The following MAP4K5 variants were observed in gnomAD, a reference collection of about 807,000 sequenced individuals.
The protein encoded by MAP4K5 is MAPK/ERK kinase kinase kinase 5.
Under a neutral mutation model 135.6 loss-of-function variants are expected in MAP4K5, and 82 were observed. The ratio of observed to expected loss-of-function variants is 0.60; its 90% confidence interval spans 0.51 to 0.73. The LOEUF (loss-of-function observed/expected upper bound fraction) is 0.73. MAP4K5 is among the 30% of genes least tolerant of loss of function. The probability of loss-of-function intolerance (pLI) is 0.00; values close to 1 mark genes in which losing one functional copy is unlikely to be tolerated. For missense variants in MAP4K5, 907 were observed against 1,010.9 expected, an observed-to-expected ratio of 0.90 and a Z score of 1.39; for synonymous variants, 347 against 335.0, an observed-to-expected ratio of 1.04 and a Z score of -0.39.
chr14:50,420,997 T>C (rs1401286147), intron 32 of MAP4K5, among the ~76,000 whole-genome samples: 1 of 151,908 alleles, frequency 6.6e-6, no homozygotes. Flanking sequence ...AGAGGAGGAA[T>C]GGGAGAAAAA....
At chr14:50,500,224 C>A (rs934283542) in intron 3 of MAP4K5, among the ~76,000 whole-genome samples, 10 of 152,098 alleles carry the variant, frequency 6.6e-5, no homozygotes, top group Non-Finnish European at 1.2e-4. Flanking sequence ...AGGAGAGAGA[C>A]AAACACAATA....
chr14:50,484,488 T>A (rs11157748), intron 5 of MAP4K5, among the ~76,000 whole-genome samples: 2,610 of 152,326 alleles, frequency 0.017, 66 homozygotes, highest in African/African-American at 0.06. Context: ...TTCATTTTGC[T>A]ATACATTTAC....
At chr14:50,448,709 A>G (rs560411713) in intron 15 of MAP4K5, 65 bp downstream of exon 15, 69 of 915,086 alleles carry the variant, frequency 7.5e-5, no homozygotes, top group South Asian at 3.7e-4. Flanking sequence ...TCAAAGTACA[A>G]CTAACAAAAA....
At chr14:50,481,299 T>C (rs751548302) in intron 6 of MAP4K5, among the ~76,000 whole-genome samples, 9 of 149,754 alleles carry the variant, frequency 6.0e-5, no homozygotes, top group Non-Finnish European at 1.3e-4. Flanking sequence ...TCTCTATATA[T>C]ATATATAAAT....
In MAP4K5 at chr14:50,445,049, G is replaced by A. The variant is rs1464225346; in HGVS notation, c.1331C>T (p.Ser444Phe). 6.2e-7 allele frequency: 1 copy of A among 1,613,052 alleles called. No homozygotes were observed. The highest frequency in any genetic ancestry group is 1.7e-5 in the Admixed American group (1 of 59,930). Residue 444 changes from serine to phenylalanine, a missense_variant, in exon 18 of 33, where the codon TCT (serine) becomes TTT (phenylalanine). Physicochemically the swap from Ser to Phe is radical, Grantham distance 155. Around this residue, in one of 3 missense-constraint regions of MAP4K5, gnomAD observed 690 missense variants for 777.4 expected, o/e 0.89. Coordinates refer to ENST00000682126, the MANE Select transcript of MAP4K5 (RefSeq NM_006575.6). ...SPSCGPVAET[S>F]SIGNGDGISK... is the part of the protein sequence containing the mutation. ...AATAATGCTAGCCATACCAATAGAA[G>A]AAGTCTCTGCCACAGGCCCACAACT...
At chr14:50,553,347 T>A (rs2038726134) in intron 1 of MAP4K5, among the ~76,000 whole-genome samples, 1 of 150,554 alleles carries the variant, frequency 6.6e-6, no homozygotes, top group African/African-American at 2.4e-5. Flanking sequence ...CAACAAACAT[T>A]GAAAAAATGC....
At chr14:50,451,340 G>T (rs1347042835) in intron 14 of MAP4K5, among the ~76,000 whole-genome samples, 1 of 152,172 alleles carries the variant, frequency 6.6e-6, no homozygotes, top group Non-Finnish European at 1.5e-5. Flanking sequence ...ACAACATTCA[G>T]TGTTCTTACG....
chr14:50,491,833 A>G (rs1426870599), intron 3 of MAP4K5, among the ~76,000 whole-genome samples: 1 of 151,662 alleles, frequency 6.6e-6, no homozygotes, highest in Non-Finnish European at 1.5e-5. Context: ...TTACAGGCAC[A>G]TGTCATGACA....
At chr14:50,532,340 C>G (rs1440361048) in intron 1 of MAP4K5, 108 bp downstream of exon 1, 1 of 330,914 alleles carries the variant, frequency 3.0e-6, no homozygotes, top group Non-Finnish European at 5.5e-6. Context: ...CCTCCCCGGC[C>G]GCCCGCGAAC....
intron 1 of MAP4K5, among the ~76,000 whole-genome samples, chr14:50,549,561 G>A (rs1369133678): frequency 1.3e-5 from 2 of 152,116 alleles, no homozygotes; most frequent in Admixed American, 6.5e-5. Flanking sequence ...CAACAATTGG[G>A]GCCTTCCCAA....
rs112483198 is a variant in MAP4K5, at chr14:50,490,132, T to A, written c.167-3938A>T. Among the ~76,000 whole-genome samples the A allele has an allele frequency of 1.6e-3, 92 of 58,280 alleles. 1 individual carries two copies. Among genetic ancestry groups the A allele is most frequent in the Admixed American group, 8.5e-3 (39 of 4,584 alleles). 38.2% of individuals were successfully genotyped at this position (58,280 alleles called of 152,430 possible). ...GAGAGAGACAGAGAGCGAGTGAGAG[T>A]GTGTGTGTGTGTGTGTGTGTGTGTG... is the stretch of plus-strand genomic sequence containing the variant. On this transcript the variant is annotated intron_variant, in intron 3 of 32. Coordinates refer to ENST00000682126, the MANE Select transcript of MAP4K5 (RefSeq NM_006575.6).
chr14:50,431,373 G>A (rs1282744601), intron 28 of MAP4K5, among the ~76,000 whole-genome samples: 2 of 152,058 alleles, frequency 1.3e-5, no homozygotes, highest in East Asian at 3.9e-4. Context: ...TCTAGCATTA[G>A]GTATATCTCC....
Position 50,560,453 on chromosome 14 carries a change from AG to A in MAP4K5, c.-180+586del, listed in dbSNP as rs1262991177. The A allele has an allele frequency of 4.8e-6, 5 of 1,043,286 alleles. No individual in the cohort carries two copies. The East Asian group carries it at 1.3e-4, about 27-fold the overall frequency. The allele number at this position is 1,043,286 out of a possible 1,614,324, so 64.6% of individuals were successfully genotyped here. On this transcript the variant is annotated intron_variant, in intron 1 of 8. Transcript: ENST00000555216. ...GCCGAGCCGCTCCCTGTTTGGGCGG[AG>A]GAACCATGGCCGAGCGGTACCCGCG...
At chr14:50,479,298 C>A (rs1411775778) in intron 6 of MAP4K5, among the ~76,000 whole-genome samples, 1 of 151,752 alleles carries the variant, frequency 6.6e-6, no homozygotes, top group Non-Finnish European at 1.5e-5. Flanking sequence ...ATACTCTTCA[C>A]TTATAAAAAA....
chr14:50,555,734 C>T (rs916794458), intron 1 of MAP4K5, among the ~76,000 whole-genome samples: 1 of 152,140 alleles, frequency 6.6e-6, no homozygotes, highest in East Asian at 1.9e-4. Flanking sequence ...GTCCATGATA[C>T]CACTGAGCTG....
At chr14:50,525,114 C>T (rs1320859630) in intron 2 of MAP4K5, among the ~76,000 whole-genome samples, 1 of 152,172 alleles carries the variant, frequency 6.6e-6, no homozygotes, top group African/African-American at 2.4e-5. Flanking sequence ...GGTACCACCC[C>T]ATAAAGTGAT....
chr14:50,455,890 G>A lies in MAP4K5; in HGVS notation c.1015+626C>T, dbSNP rs116007888. Among the ~76,000 whole-genome samples, 872 of 152,114 alleles carry A rather than the reference G, an allele frequency of 5.7e-3. 8 individuals carry two copies. The highest frequency in any genetic ancestry group is 0.02 in the African/African-American group (818 of 41,544). ...GTAGTTCTAAATTAATTTAGCTAAG[G>A]TGACAAATATTGATAGAAAATTTTC... On this transcript the variant is annotated intron_variant, in intron 14 of 32. Transcript: ENST00000682126.
intron 2 of MAP4K5, among the ~76,000 whole-genome samples, chr14:50,519,525 G>A (rs1308032362): frequency 1.3e-5 from 2 of 152,086 alleles, no homozygotes; most frequent in South Asian, 2.1e-4. Context: ...GTGGTGGCAC[G>A]CACCTGTAGT....
intron 1 of MAP4K5, 68 bp from the exon 2 acceptor site, chr14:50,532,226 C>T: frequency 5.4e-6 from 3 of 557,248 alleles, no homozygotes; most frequent in Non-Finnish European, 9.5e-6. Context: ...CGCGCCCTCG[C>T]GGCCCGGCCC....
Sources: allele counts gnomAD v4.1 joint callset (sites outside exome capture counted in the v4.1 genomes callset), GRCh38; gene constraint gnomAD v4.1.1; regional missense constraint gnomAD v4.1.1; transcripts MANE v1.5; gene names NCBI Gene and HGNC (gene_info 2026-07-23, HGNC 2026-07-21).